The following C10orf67 variants were observed in gnomAD, a reference collection of about 807,000 sequenced individuals.
The protein encoded by C10orf67 is chromosome 10 open reading frame 67.
In C10orf67, 60 loss-of-function variants were observed where a neutral mutation model predicts 35.6. The ratio of observed to expected loss-of-function variants is 1.68; its 90% CI spans 1.37 to 2.09. The LOEUF is 2.09. Among genes scored for constraint, C10orf67 ranks in the 30% most tolerant of loss-of-function variants. The pLI is 0.00. For synonymous variants in C10orf67, 167 were observed against 115.8 expected (o/e 1.44, Z -2.84); for missense variants, 474 against 330.2 (o/e 1.44, Z -3.38).
chr10:23,321,198 A>G (rs753011628), intron 3 of C10orf67, among the ~76,000 whole-genome samples: 12 of 152,186 alleles, frequency 7.9e-5, no homozygotes, highest in Non-Finnish European at 1.5e-4. Context: ...AGAAATCTAT[A>G]CAGCTAGTCT....
At chr10:23,337,896 A>G (rs1261512131) in intron 1 of C10orf67, among the ~76,000 whole-genome samples, 1 of 152,252 alleles carries the variant, frequency 6.6e-6, no homozygotes, top group Non-Finnish European at 1.5e-5. Context: ...CACAATCATG[A>G]AGGAAAATCC....
chr10:23,297,146 C>A (rs1179668584), intron 5 of C10orf67, among the ~76,000 whole-genome samples: 3 of 152,056 alleles, frequency 2.0e-5, no homozygotes, highest in East Asian at 3.9e-4. Context: ...TACTAGAGGT[C>A]CCCTTCTATA....
In C10orf67 at chr10:23,243,619, G is replaced by A. The variant is rs907914836; in HGVS notation, c.1347-3803C>T. On this transcript the variant is annotated intron_variant, in intron 12 of 15. Coordinates refer to ENST00000636213, the MANE Select transcript of C10orf67 (RefSeq NM_001371909.1). Reference sequence around the variant, plus strand: ...GGAGAATTGCTTGAACCTGGGAGGCGGAGGTTGCGGTGAGCTGAGATCACG... The same window carrying A: ...GGAGAATTGCTTGAACCTGGGAGGCAGAGGTTGCGGTGAGCTGAGATCACG... Among the ~76,000 whole-genome samples, 14 of 151,906 alleles carry A rather than the reference G, an allele frequency of 9.2e-5. No homozygotes were observed. The East Asian group carries it at 1.5e-3, about 17-fold the overall frequency.
chr10:23,225,465 C>T (rs1172297933), intron 13 of C10orf67, among the ~76,000 whole-genome samples: 22 of 152,112 alleles, frequency 1.4e-4, no homozygotes, highest in Middle Eastern at 3.2e-3. Flanking sequence ...CATCAACCAA[C>T]GAGCAAAATA....
rs149226425 is a variant in C10orf67 at position 23,322,795 on chromosome 10, A to G, written c.328-258T>C. Among the ~76,000 whole-genome samples the G allele has an allele frequency of 3.2e-3, 488 of 152,268 alleles. 5 individuals carry two copies. Among genetic ancestry groups the G allele is most frequent in the African/African-American group, 0.011 (450 of 41,546 alleles). On this transcript the variant is annotated intron_variant, in intron 2 of 15. Coordinates refer to ENST00000636213, the MANE Select transcript of C10orf67 (RefSeq NM_001371909.1). The stretch of plus-strand genomic sequence containing the variant: ...AAACTCCTGTGACATGAGTTTACCT[A>G]TGTAACAAACCTGCATATGTACCCC...
At position 23,291,825 on chromosome 10, in the gene C10orf67, C is replaced by T. The variant is rs183533677; in HGVS notation, c.703-546G>A. Among the ~76,000 whole-genome samples the T allele has an allele frequency of 1.4e-4, 21 of 152,170 alleles. No individual in the cohort carries two copies. In the East Asian group the frequency reaches 3.3e-3, roughly 24 times the overall value. ...AGCCGCATGGAGTCCATCAGGCACA[C>T]GGATATCCACACAGTTGGTTTTCTG... On this transcript the variant is annotated intron_variant, in intron 5 of 15. Transcript: ENST00000636213.
intron 12 of C10orf67, among the ~76,000 whole-genome samples, chr10:23,245,102 T>C (rs1842284985): frequency 6.6e-6 from 1 of 152,022 alleles, no homozygotes; most frequent in South Asian, 2.1e-4. Flanking sequence ...GAATATACAA[T>C]GGGGGAAAGG....
At chr10:23,310,412 T>C (rs1844454498) in intron 4 of C10orf67, among the ~76,000 whole-genome samples, 1 of 152,210 alleles carries the variant, frequency 6.6e-6, no homozygotes, top group Non-Finnish European at 1.5e-5. Context: ...ATTCTCCAAC[T>C]ATCTGGTGCA....
intron 4 of C10orf67, chr10:23,318,806 C>G (rs1844833847): frequency 2.8e-6 from 2 of 719,452 alleles, no homozygotes; most frequent in South Asian, 3.0e-5. Flanking sequence ...CAGGGCAAGT[C>G]CAGGGTTACT....
chr10:23,215,856 A>T (rs991459776), intron 15 of C10orf67, among the ~76,000 whole-genome samples: 6 of 152,244 alleles, frequency 3.9e-5, no homozygotes, highest in Admixed American at 6.5e-5. Flanking sequence ...GACCACAGTT[A>T]TCAGCTTAAC....
intron 1 of C10orf67, among the ~76,000 whole-genome samples, chr10:23,341,024 T>C (rs1845862388): frequency 6.6e-6 from 1 of 152,242 alleles, no homozygotes; most frequent in Non-Finnish European, 1.5e-5. Flanking sequence ...AAACTTTCAC[T>C]GTGGCATATT....
At chr10:23,318,804 G>A (rs1299036160) in intron 4 of C10orf67, 1 of 717,644 alleles carries the variant, frequency 1.4e-6, no homozygotes, top group African/African-American at 1.7e-5. Context: ...GGCAGGGCAA[G>A]TCCAGGGTTA....
intron 4 of C10orf67, among the ~76,000 whole-genome samples, chr10:23,311,443 G>A (rs1353271300): frequency 6.6e-6 from 1 of 152,206 alleles, no homozygotes; most frequent in Admixed American, 6.5e-5. Flanking sequence ...CGGGCACGGT[G>A]GCTCATGCCT....
chr10:23,304,814 C>G (rs1318152485), intron 4 of C10orf67, among the ~76,000 whole-genome samples: 11 of 152,184 alleles, frequency 7.2e-5, no homozygotes, highest in Non-Finnish European at 1.5e-5. Flanking sequence ...GCAAACCCAA[C>G]TGTGAAACCT....
intron 1 of C10orf67, among the ~76,000 whole-genome samples, chr10:23,339,401 G>GC (rs1845801159): frequency 4.9e-5 from 1 of 20,206 alleles, no homozygotes; most frequent in African/African-American, 2.5e-4. Context: ...AAAAAAGGCA[G>GC]CAAAAAAAAA....
At chr10:23,224,104 A>G (rs1417907257) in intron 13 of C10orf67, among the ~76,000 whole-genome samples, 4 of 152,150 alleles carry the variant, frequency 2.6e-5, no homozygotes, top group Non-Finnish European at 5.9e-5. Context: ...TACTACTTGC[A>G]ACTGGTTGGA....
chr10:23,239,870 C>T (rs1186113928), intron 12 of C10orf67, 54 bp from the exon 13 acceptor site: 1 of 551,722 alleles, frequency 1.8e-6, no homozygotes, highest in Non-Finnish European at 3.5e-6. Context: ...TAGCATAAAG[C>T]AAATAAGCAT....
intron 1 of C10orf67, among the ~76,000 whole-genome samples, chr10:23,335,997 A>G (rs1180566614): frequency 6.6e-6 from 1 of 152,142 alleles, no homozygotes; most frequent in East Asian, 1.9e-4. Flanking sequence ...AGGAATCAAC[A>G]TAGTGGTCAA....
At chr10:23,275,834 A>C (rs1027641789) in intron 8 of C10orf67, among the ~76,000 whole-genome samples, 4 of 152,196 alleles carry the variant, frequency 2.6e-5, no homozygotes, top group African/African-American at 9.6e-5. Flanking sequence ...GTTTTAAAAA[A>C]GTTGGGCGGG....
Sources: allele counts gnomAD v4.1 joint callset (sites outside exome capture counted in the v4.1 genomes callset), GRCh38; gene constraint gnomAD v4.1.1; transcripts MANE v1.5; gene names NCBI Gene and HGNC (gene_info 2026-07-23, HGNC 2026-07-21).